The following STOX2 variants were observed in gnomAD, a reference collection of about 807,000 sequenced individuals.
STOX2 encodes the protein storkhead box 2, also known as storkhead-box protein 2.
Under a neutral mutation model 60.9 loss-of-function variants are expected in STOX2, and 28 were observed. The observed-to-expected ratio is 0.46, with a 90% CI of 0.34 to 0.63. STOX2 has a LOEUF of 0.63. Among genes scored for constraint, STOX2 ranks in the 30% least tolerant of loss-of-function variants. STOX2 has a pLI of 0.01. For synonymous variants in STOX2, 472 were observed against 463.9 expected, an observed-to-expected ratio of 1.02 and a Z score of -0.22; for missense variants, 1,024 against 1,187.7, an observed-to-expected ratio of 0.86 and a Z score of 2.03.
intron 1 of STOX2, among the ~76,000 whole-genome samples, chr4:183,863,837 A>G (rs1235328627): frequency 2.6e-5 from 4 of 152,140 alleles, no homozygotes; most frequent in African/African-American, 9.7e-5. Flanking sequence ...TTGCCTAGGG[A>G]TTTACACAAC....
At position 184,017,203 on chromosome 4, in the gene STOX2, G is replaced by T. The variant is rs201713170; in HGVS notation, c.2700G>T (p.Ala900=). 192 of 1,612,450 alleles carry T rather than the reference G, an allele frequency of 1.2e-4. 1 individual carries two copies. In the East Asian group the frequency reaches 3.7e-3, roughly 31 times the overall value. Residue 900 remains alanine, a synonymous_variant, in exon 4 of 4, where the codon GCG becomes GCT. Coordinates refer to ENST00000308497, the MANE Select transcript of STOX2 (RefSeq NM_020225.3). ...GGAGPAFNFR[A]SAEPPTNEAE... ...CTGGTCCAGCCTTCAACTTCCGAGC[G>T]AGCGCGGAGCCCCCGACAAATGAAG...
intron 1 of STOX2, among the ~76,000 whole-genome samples, chr4:183,946,518 A>T (rs1742893704): frequency 6.6e-6 from 1 of 152,138 alleles, no homozygotes; most frequent in African/African-American, 2.4e-5. Context: ...GACTCAGCTA[A>T]CTGTGGATCA....
rs1734131431 is a variant in STOX2 at position 184,010,937 on chromosome 4, A to G, written c.2099A>G (p.Lys700Arg). Reference sequence around the variant, plus strand: ...GACAAGAGGAAAGAGATATTTAGCAAAGACACACTGTTCAAACCTCTTCAC... The same window carrying G: ...GACAAGAGGAAAGAGATATTTAGCAGAGACACACTGTTCAAACCTCTTCAC... The part of the protein sequence containing the change: ...SLDKRKEIFS[K>R]DTLFKPLHST... The change falls in exon 3 of 4, where the codon AAA becomes AGA. Residue 700 changes from lysine (K) to arginine (R), a missense_variant. Lys to Arg is a conservative substitution (Grantham distance 26, BLOSUM62 2). Around this residue, in one of 3 missense-constraint regions of STOX2, gnomAD observed 922 missense variants for 1,058.3 expected, o/e 0.87. Transcript: ENST00000308497. The surrounding 1 kb of genome is among the most constrained non-coding windows in gnomAD (Gnocchi z 4.5). The G allele has an allele frequency of 6.2e-7, 1 of 1,613,446 alleles. No individual in the cohort carries two copies. The highest frequency in any genetic ancestry group is 1.3e-5 in the African/African-American group (1 of 74,930).
chr4:183,925,268 A>G (rs1742207930), intron 1 of STOX2, among the ~76,000 whole-genome samples: 1 of 152,198 alleles, frequency 6.6e-6, no homozygotes. Flanking sequence ...ATGGTAGTCT[A>G]AATACTCAGA....
In STOX2 at chr4:183,906,544, G is replaced by A; in HGVS notation, c.-247G>A. On this transcript the variant is annotated 5_prime_UTR_variant, in exon 1 of 4. Coordinates refer to ENST00000308497, the MANE Select transcript of STOX2 (RefSeq NM_020225.3). ...CCCAGGAATCTGGAAGCTATAAGCC[G>A]GGCGGATTGCAAATGAAGTGTAATG... is the stretch of plus-strand genomic sequence containing the variant. The A allele has an allele frequency of 4.0e-6, 1 of 252,492 alleles. No individual in the cohort carries two copies. Among genetic ancestry groups the A allele is most frequent in the Non-Finnish European group, 7.5e-6 (1 of 133,434 alleles). 15.6% of individuals were successfully genotyped at this position (252,492 alleles called of 1,614,324 possible). A position where few individuals can be genotyped will look rare whatever the true frequency, so the allele number is the denominator to read the frequency against.
chr4:183,895,172 T>C (rs1741313536), intron 1 of STOX2, among the ~76,000 whole-genome samples: 1 of 152,182 alleles, frequency 6.6e-6, no homozygotes, highest in Non-Finnish European at 1.5e-5. Flanking sequence ...GCCTTAGTTT[T>C]TCATCCTTTC....
chr4:183,831,346 G>A lies in STOX2; in HGVS notation c.364+33291G>A, dbSNP rs80159915. Among the ~76,000 whole-genome samples, 1,108 of 152,238 alleles carry A rather than the reference G, an allele frequency of 7.3e-3. 13 individuals carry two copies. The highest frequency in any genetic ancestry group is 0.026 in the African/African-American group (1,064 of 41,532). On this transcript the variant is annotated intron_variant, in intron 1 of 2. Coordinates refer to the STOX2 transcript ENST00000513034. Reference sequence around the variant, plus strand: ...TCATTTCCGCCCCCAAGTTTGCCTTGAACTTGGAATCTTACGTTATAAACG... The same window carrying A: ...TCATTTCCGCCCCCAAGTTTGCCTTAAACTTGGAATCTTACGTTATAAACG...
chr4:183,861,402 T>A (rs1480531842), intron 1 of STOX2, among the ~76,000 whole-genome samples: 1 of 152,160 alleles, frequency 6.6e-6, no homozygotes, highest in African/African-American at 2.4e-5. Context: ...CACTGTAATG[T>A]TCATAGATAC....
chr4:183,965,162 G>A (rs1258106454), intron 1 of STOX2, among the ~76,000 whole-genome samples: 1 of 152,328 alleles, frequency 6.6e-6, no homozygotes, highest in East Asian at 1.9e-4. Flanking sequence ...GCACCAGCAT[G>A]TCCGTTTTCT....
rs140903722 is a variant in STOX2 at position 183,949,945 on chromosome 4, C to T, written c.166+42989C>T. 4.6e-5 allele frequency among the ~76,000 whole-genome samples: 7 copies of T among 152,276 alleles called. No homozygotes were observed. The East Asian group carries it at 7.7e-4, about 17-fold the overall frequency. ...TGTCACCTCTTCCCCACTTTTCTCA[C>T]AATGTCCCCCTGAGGTTTGAGGGTT... On this transcript the variant is annotated intron_variant, in intron 1 of 3. Transcript: ENST00000308497.
intron 1 of STOX2, among the ~76,000 whole-genome samples, chr4:183,983,685 G>T (rs1732736301): frequency 1.3e-5 from 2 of 152,206 alleles, no homozygotes; most frequent in Non-Finnish European, 2.9e-5. Context: ...TCTTTGGGAG[G>T]AGACTTACTA....
chr4:184,010,068 C>G lies in STOX2; in HGVS notation c.1230C>G (p.Gly410=). 1 of 1,612,624 alleles carries G rather than the reference C, an allele frequency of 6.2e-7. No homozygotes were observed. Among genetic ancestry groups the G allele is most frequent in the Non-Finnish European group, 8.5e-7 (1 of 1,179,346 alleles). ...CTCTTACCAGGGTGCCCAGGGAGGG[C>G]TGCTTCATCATTGAACACAAAGGAG... ...CDPLTRVPRE[G]CFIIEHKGDN... Residue 410 remains glycine (G), a synonymous_variant, in exon 3 of 4, where the codon GGC becomes GGG. Transcript: ENST00000308497. This position sits in a 1 kb window ranked among gnomAD's most constrained non-coding sequence, Gnocchi z 4.5.
intron 1 of STOX2, among the ~76,000 whole-genome samples, chr4:183,987,353 G>T (rs905942811): frequency 1.3e-5 from 2 of 152,164 alleles, no homozygotes; most frequent in African/African-American, 4.8e-5. Flanking sequence ...GTGTGTGTGT[G>T]TGTCGGTGTG....
At chr4:183,895,817 A>G (rs1477237473) in intron 1 of STOX2, among the ~76,000 whole-genome samples, 1 of 152,186 alleles carries the variant, frequency 6.6e-6, no homozygotes, top group African/African-American at 2.4e-5. Context: ...ACATTTTTGT[A>G]GGGTGTTGTG....
At chr4:183,894,623 A>G (rs1406417995) in intron 1 of STOX2, among the ~76,000 whole-genome samples, 2 of 151,828 alleles carry the variant, frequency 1.3e-5, no homozygotes, top group African/African-American at 4.8e-5. Flanking sequence ...CCTTTTTGAT[A>G]TATGATTTTA....
chr4:183,863,928 G>A (rs541241074), intron 1 of STOX2, among the ~76,000 whole-genome samples: 2 of 152,190 alleles, frequency 1.3e-5, no homozygotes, highest in African/African-American at 4.8e-5. Flanking sequence ...AGAGTGTCTG[G>A]TTGACTTTAA....
In STOX2 at chr4:183,806,483, G is replaced by A. The variant is rs1343339191; in HGVS notation, c.364+8428G>A. Among the ~76,000 whole-genome samples, 4 of 152,122 alleles carry A rather than the reference G, an allele frequency of 2.6e-5. No homozygotes were observed. The highest frequency in any genetic ancestry group is 2.1e-4 in the South Asian group (1 of 4,824). On this transcript the variant is annotated intron_variant, in intron 1 of 2. Coordinates refer to the STOX2 transcript ENST00000513034. This position sits in a 1 kb window ranked among gnomAD's most constrained non-coding sequence, Gnocchi z 4.1. Reference sequence around the variant, plus strand: ...GTCTGGGGCGCCCCATCTTCCTGCCGCCTGAGGTTGCTGCAGCCTTCTGTC... The same window carrying A: ...GTCTGGGGCGCCCCATCTTCCTGCCACCTGAGGTTGCTGCAGCCTTCTGTC...
At chr4:183,980,079 A>C (rs2111186809) in intron 1 of STOX2, among the ~76,000 whole-genome samples, 1 of 152,310 alleles carries the variant, frequency 6.6e-6, no homozygotes, top group South Asian at 2.1e-4. Context: ...CTTAGAAAAC[A>C]AATTATGTTA....
chr4:183,839,635 T>C (rs1422060489), intron 1 of STOX2, among the ~76,000 whole-genome samples: 1 of 152,194 alleles, frequency 6.6e-6, no homozygotes, highest in African/African-American at 2.4e-5. Context: ...CAGGGCAAAG[T>C]AATAGAGTGA....
Sources: allele counts gnomAD v4.1 joint callset (sites outside exome capture counted in the v4.1 genomes callset), GRCh38; gene constraint gnomAD v4.1.1; regional missense constraint gnomAD v4.1.1; non-coding constraint Gnocchi (gnomAD v3.1); transcripts MANE v1.5; gene names NCBI Gene and HGNC (gene_info 2026-07-23, HGNC 2026-07-21).